GRM8: variants seen among roughly 807,000 people sequenced by gnomAD.
GRM8 encodes metabotropic glutamate receptor 8.
GRM8 carries 47 observed loss-of-function variants against 87.2 expected under a neutral mutation model. That is an observed-to-expected ratio of 0.54 (90% CI 0.43 to 0.69). The LOEUF (loss-of-function observed/expected upper bound fraction) is 0.69, where lower values mean the gene tolerates loss of function less well. Among genes scored for constraint, GRM8 ranks in the 30% least tolerant of loss-of-function variants. The pLI is 0.00. For missense variants in GRM8, 1,019 were observed against 1,139.2 expected (o/e 0.89, Z 1.52); for synonymous variants, 396 against 404.5 (o/e 0.98, Z 0.25).
In GRM8 at chr7:126,505,624, T is replaced by C. The variant is rs1189768401; in HGVS notation, c.2430+27328A>G. Among the ~76,000 whole-genome samples the C allele has an allele frequency of 7.9e-5, 12 of 152,226 alleles. No homozygotes were observed. The East Asian group carries it at 2.3e-3, about 30-fold the overall frequency. On this transcript the variant is annotated intron_variant, in intron 9 of 10. Transcript: ENST00000339582. ...AACAAACCTTAGGTCCAGTCTGCCC[T>C]TTCTAGATGTCTCCTGCCCCGCTTT...
chr7:127,209,526 C>G (rs1159625716), intron 2 of GRM8, among the ~76,000 whole-genome samples: 1 of 152,208 alleles, frequency 6.6e-6, no homozygotes. Context: ...ACCTTCAGAG[C>G]TAGAGTCAGA....
intron 6 of GRM8, among the ~76,000 whole-genome samples, chr7:126,880,486 A>G (rs1171282550): frequency 3.9e-5 from 6 of 152,180 alleles, no homozygotes; most frequent in Admixed American, 1.3e-4. Flanking sequence ...GCTTCCACAT[A>G]AAGTCCAAGA....
intron 3 of GRM8, among the ~76,000 whole-genome samples, chr7:127,091,903 G>T (rs1824156346): frequency 1.6e-5 from 1 of 61,574 alleles, no homozygotes; most frequent in Non-Finnish European, 3.1e-5. Context: ...GCCCACTGAT[G>T]ACTCCCCCTC....
intron 2 of GRM8, among the ~76,000 whole-genome samples, chr7:127,153,173 T>C (rs1792514512): frequency 6.6e-6 from 1 of 152,110 alleles, no homozygotes; most frequent in South Asian, 2.1e-4. Flanking sequence ...ATTAATGAAG[T>C]GTGAAGCTCA....
chr7:126,821,739 C>T (rs1049666852), intron 6 of GRM8, among the ~76,000 whole-genome samples: 1 of 152,184 alleles, frequency 6.6e-6, no homozygotes, highest in Non-Finnish European at 1.5e-5. Flanking sequence ...AAAGCTAATA[C>T]ATTGCATAAC....
intron 2 of GRM8, among the ~76,000 whole-genome samples, chr7:127,194,308 T>C (rs955728115): frequency 3.3e-5 from 5 of 152,196 alleles, no homozygotes; most frequent in Non-Finnish European, 7.3e-5. Flanking sequence ...ATAAGAACAA[T>C]GTTTGCAGGA....
chr7:126,901,482 G>A (rs1802072322), intron 6 of GRM8, among the ~76,000 whole-genome samples: 1 of 152,156 alleles, frequency 6.6e-6, no homozygotes, highest in Non-Finnish European at 1.5e-5. Flanking sequence ...ACTCAACCCA[G>A]CTCCTGGAAA....
chr7:126,701,622 G>A (rs75668838), intron 7 of GRM8: 3,940 of 367,040 alleles, frequency 0.011, 113 homozygotes, highest in East Asian at 0.087. Flanking sequence ...CCCTGCTTTT[G>A]ATTTTTGTTA....
rs17865378 is a variant in GRM8, at chr7:127,170,529, A to T, written c.511-63817T>A. On this transcript the variant is annotated intron_variant, in intron 2 of 10. Coordinates refer to ENST00000339582, the MANE Select transcript of GRM8 (RefSeq NM_000845.3). ...GAAAAGAAGTCATTACATAAAAAAGATGCTTTCACATGCATGTATACAGCA... is the reference window on the plus strand; with the variant it reads ...GAAAAGAAGTCATTACATAAAAAAGTTGCTTTCACATGCATGTATACAGCA... Among the ~76,000 whole-genome samples, 265 of 152,346 alleles carry T rather than the reference A, an allele frequency of 1.7e-3. 3 individuals carry two copies. The highest frequency in any genetic ancestry group is 6.3e-3 in the African/African-American group (261 of 41,570).
intron 7 of GRM8, among the ~76,000 whole-genome samples, chr7:126,615,603 G>C (rs1044622637): frequency 9.2e-5 from 14 of 152,062 alleles, no homozygotes; most frequent in African/African-American, 3.4e-4. Flanking sequence ...AGTCAAGACT[G>C]ATCAGAGTGC....
intron 3 of GRM8, among the ~76,000 whole-genome samples, chr7:127,100,070 G>A (rs932305891): frequency 5.9e-5 from 9 of 152,112 alleles, no homozygotes; most frequent in Admixed American, 1.3e-4. Flanking sequence ...AGCTAATAGA[G>A]GCAAGGAGGG....
chr7:126,899,104 A>AGTGTGTGTGTGCGTGTGT (rs1554524415), intron 6 of GRM8, among the ~76,000 whole-genome samples: 1 of 140,312 alleles, frequency 7.1e-6, no homozygotes, highest in African/African-American at 2.7e-5. Context: ...ACTGGTTAAC[A>AGTGTGTGTGTGCGTGTGT]GTGTGTGTGT....
intron 8 of GRM8, among the ~76,000 whole-genome samples, chr7:126,559,269 C>T (rs972276005): frequency 2.0e-5 from 3 of 151,248 alleles, no homozygotes; most frequent in African/African-American, 7.3e-5. Flanking sequence ...TCTCATGCCT[C>T]AGCCTCATTC....
intron 3 of GRM8, among the ~76,000 whole-genome samples, chr7:126,920,980 G>A (rs1050577071): frequency 6.6e-6 from 1 of 152,034 alleles, no homozygotes; most frequent in Non-Finnish European, 1.5e-5. Context: ...AAAGCCCACT[G>A]GCCAATGAAT....
intron 3 of GRM8, among the ~76,000 whole-genome samples, chr7:126,997,151 C>CT (rs1315439841): frequency 2.3e-5 from 3 of 130,958 alleles, no homozygotes; most frequent in Non-Finnish European, 5.0e-5. Flanking sequence ...ATTTTGTACA[C>CT]TAAAAAAAAA....
chr7:126,769,758 C>T, intron 7 of GRM8, 107 bp downstream of exon 7: 1 of 693,440 alleles, frequency 1.4e-6, no homozygotes, highest in Non-Finnish European at 2.5e-6. Context: ...AAGAGAACTG[C>T]TTCTAATCCT....
chr7:126,645,107 AC>A (rs1802893311), intron 7 of GRM8, among the ~76,000 whole-genome samples: 1 of 152,136 alleles, frequency 6.6e-6, no homozygotes, highest in Non-Finnish European at 1.5e-5. Context: ...CTTAAAACTA[AC>A]CCTTTCCTTG....
At chr7:126,696,524 C>T (rs1052222510) in intron 7 of GRM8, among the ~76,000 whole-genome samples, 17 of 152,060 alleles carry the variant, frequency 1.1e-4, no homozygotes, top group African/African-American at 3.1e-4. Flanking sequence ...AGGATAATGA[C>T]GCAGTGGTAA....
At chr7:127,064,540 A>T (rs1448663448) in intron 3 of GRM8, among the ~76,000 whole-genome samples, 3 of 152,144 alleles carry the variant, frequency 2.0e-5, no homozygotes, top group African/African-American at 7.2e-5. Context: ...TTTCTTGAAG[A>T]CAGCATACCA....
Sources: allele counts gnomAD v4.1 joint callset (sites outside exome capture counted in the v4.1 genomes callset), GRCh38; gene constraint gnomAD v4.1.1; transcripts MANE v1.5; gene names NCBI Gene and HGNC (gene_info 2026-07-23, HGNC 2026-07-21).